SLC4A8: variants seen among roughly 807,000 people sequenced by gnomAD.
SLC4A8 encodes the protein solute carrier family 4 member 8.
Under a neutral mutation model 125.0 loss-of-function variants are expected in SLC4A8, and 40 were observed. The ratio of observed to expected loss-of-function variants is 0.32; its 90% CI spans 0.25 to 0.42. The LOEUF (loss-of-function observed/expected upper bound fraction) is 0.42. SLC4A8 is among the 10% of genes least tolerant of loss of function. The probability of loss-of-function intolerance (pLI) is 1.00; values close to 1 mark genes in which losing one functional copy is unlikely to be tolerated. For synonymous variants in SLC4A8, 456 were observed against 476.0 expected (o/e 0.96, Z 0.55); for missense variants, 863 against 1,355.1 (o/e 0.64, Z 5.70).
chr12:51,514,130 T>C lies in SLC4A8; in HGVS notation c.*6692T>C, dbSNP rs1237929123. On this transcript the variant is annotated 3_prime_UTR_variant, in exon 25 of 25. Coordinates refer to ENST00000453097, the MANE Select transcript of SLC4A8 (RefSeq NM_001039960.3). ...TATTCTCTCTGTTGCTTTATCAGCT[T>C]CTCTAAATTTATTTTGTAAGGAAGT... The C allele has an allele frequency of 6.6e-5, 10 of 152,654 alleles. No homozygotes were observed. Among genetic ancestry groups the C allele is most frequent in the South Asian group, 6.2e-4 (3 of 4,826 alleles). The allele number at this position is 152,654 out of a possible 1,614,324, so 9.5% of individuals were successfully genotyped here.
chr12:51,400,489 A>C (rs966718391), intron 1 of SLC4A8, among the ~76,000 whole-genome samples: 3 of 151,502 alleles, frequency 2.0e-5, no homozygotes, highest in Non-Finnish European at 4.4e-5. Context: ...TTGTTTGGGG[A>C]GGAGTGGTAC....
At chr12:51,428,444 A>G (rs1049724033) in intron 1 of SLC4A8, among the ~76,000 whole-genome samples, 9 of 152,214 alleles carry the variant, frequency 5.9e-5, no homozygotes, top group African/African-American at 9.6e-5. Context: ...AAGGAGCTCA[A>G]GGTCTAGTCA....
At chr12:51,474,512 G>T in intron 15 of SLC4A8, 65 bp downstream of exon 15, 1 of 1,558,612 alleles carries the variant, frequency 6.4e-7, no homozygotes. Flanking sequence ...ACTTCTAAGT[G>T]AAGGGGAGGA....
In SLC4A8 at chr12:51,485,798, G is replaced by T. The variant is rs748733568; in HGVS notation, c.2184G>T (p.Met728Ile). The T allele has an allele frequency of 6.2e-7, 1 of 1,606,904 alleles. No individual in the cohort carries two copies. The highest frequency in any genetic ancestry group is 8.5e-7 in the Non-Finnish European group (1 of 1,173,536). The change falls in exon 17 of 25, where the codon ATG becomes ATT. Residue 728 changes from methionine (M) to isoleucine (I), a missense_variant. Met to Ile is a conservative substitution (Grantham distance 10). Transcript: ENST00000453097. The stretch of plus-strand genomic sequence containing the variant: ...CTTTCTCATGCCAGGTACGCTCCAT[G>T]GTGAGTGACTTTGCTGTTTTCCTCA... The part of the protein sequence containing the change: ...SRYFPTRVRS[M>I]VSDFAVFLTI...
chr12:51,424,048 A>C (rs552043652), upstream of SLC4A8, among the ~76,000 whole-genome samples: 13 of 51,978 alleles, frequency 2.5e-4, 1 homozygote, highest in South Asian at 4.9e-3. Flanking sequence ...AAAAAAAAAA[A>C]AAAAACAAAA....
upstream of SLC4A8, chr12:51,421,953 G>A (rs1387500509): frequency 2.0e-5 from 3 of 152,124 alleles, no homozygotes; most frequent in African/African-American, 7.2e-5. Flanking sequence ...TATAACTAGC[G>A]GTTATCTTGT....
chr12:51,416,396 A>G (rs1351556294), intron 1 of SLC4A8, among the ~76,000 whole-genome samples: 1 of 152,166 alleles, frequency 6.6e-6, no homozygotes, highest in Non-Finnish European at 1.5e-5. Flanking sequence ...TAATCCCAGC[A>G]CTTTGGGAGG....
intron 18 of SLC4A8, 70 bp from the exon 19 acceptor site, chr12:51,489,630 C>T (rs758192912): frequency 9.5e-6 from 15 of 1,584,308 alleles, no homozygotes; most frequent in Admixed American, 1.7e-5. Context: ...GCCTGAGACC[C>T]GTAGCTCACT....
intron 1 of SLC4A8, among the ~76,000 whole-genome samples, chr12:51,397,229 C>G (rs1948282317): frequency 6.6e-6 from 1 of 152,106 alleles, no homozygotes; most frequent in Non-Finnish European, 1.5e-5. Context: ...CGCCCGGTCT[C>G]AGCCTTAGTT....
At position 51,475,114 on chromosome 12, in the gene SLC4A8, G is replaced by T. The variant is rs1950820973; in HGVS notation, c.2080G>T (p.Val694Phe). The T allele has an allele frequency of 6.2e-7, 1 of 1,613,898 alleles. No homozygotes were observed. Among genetic ancestry groups the T allele is most frequent in the Non-Finnish European group, 8.5e-7 (1 of 1,179,862 alleles). The part of the protein sequence containing the change: ...CGHHGPYTPD[V>F]LFWSCILFFT... ...CCATCATGGACCCTACACTCCTGAT[G>T]TCCTCTTTTGGTCCTGTATTCTCTT... The change falls in exon 16 of 25, where the codon GTC becomes TTC. Residue 694 changes from valine (V) to phenylalanine (F), a missense_variant. Physicochemically the swap from Val to Phe is conservative, Grantham distance 50 (BLOSUM62 -1). Transcript: ENST00000453097.
At chr12:51,423,409 G>A (rs1345982074), upstream of SLC4A8, among the ~76,000 whole-genome samples, 2 of 152,168 alleles carry the variant, frequency 1.3e-5, no homozygotes. Context: ...TGGGGATGAG[G>A]GTAGGATGTG....
chr12:51,480,612 G>A (rs570934459), intron 16 of SLC4A8: 1 of 985,430 alleles, frequency 1.0e-6, no homozygotes, highest in Admixed American at 6.1e-5. Flanking sequence ...AAAACATAAT[G>A]TGTCAAAATT....
chr12:51,482,243 A>G (rs572553492), intron 16 of SLC4A8, among the ~76,000 whole-genome samples: 15 of 152,308 alleles, frequency 9.8e-5, no homozygotes, highest in African/African-American at 3.4e-4. Flanking sequence ...AATATTTTAT[A>G]TTGATTACAT....
Position 51,440,800 on chromosome 12 carries a change from C to T in SLC4A8, c.130+11C>T. The T allele has an allele frequency of 6.3e-7, 1 of 1,599,854 alleles. No individual in the cohort carries two copies. Among genetic ancestry groups the T allele is most frequent in the Admixed American group, 1.8e-5 (1 of 56,592 alleles). ...AAGAAGAGCTGGAAGGTAAGAACTG[C>T]CATGCTGTGTGATCAGGGAAATTGG... On this transcript the variant is annotated intron_variant, in intron 2 of 24. Coordinates refer to ENST00000453097, the MANE Select transcript of SLC4A8 (RefSeq NM_001039960.3).
intron 14 of SLC4A8, 107 bp downstream of exon 14, chr12:51,471,639 T>C: frequency 7.8e-7 from 1 of 1,290,042 alleles, no homozygotes; most frequent in South Asian, 1.4e-5. Context: ...AGAAGTGTCT[T>C]GCCCTTTAGG....
At chr12:51,463,764 TGCA>T (rs1213568667) in intron 11 of SLC4A8, 50 bp downstream of exon 11, 1 of 1,247,120 alleles carries the variant, frequency 8.0e-7, no homozygotes, top group Non-Finnish European at 1.2e-6. Flanking sequence ...GTAGAAGTTA[TGCA>T]AAGGAATGAG....
chr12:51,466,506 T>A (rs1371660058), intron 11 of SLC4A8: 1 of 150,098 alleles, frequency 6.7e-6, no homozygotes, highest in Non-Finnish European at 1.5e-5. Context: ...AGTGACCCTC[T>A]ACGCGGGTAA....
At position 51,456,435 on chromosome 12, in the gene SLC4A8, G is replaced by T. The variant is rs576938950; in HGVS notation, c.575-916G>T. 8.5e-5 allele frequency among the ~76,000 whole-genome samples: 13 copies of T among 152,240 alleles called. No individual in the cohort carries two copies. The South Asian group carries it at 2.7e-3, about 32-fold the overall frequency. Reference sequence around the variant, plus strand: ...ATTTTTGGGAGGCTTTTGAAGAAGTGCATAGGACTGAAGTAAAAGTGCTAT... The same window carrying T: ...ATTTTTGGGAGGCTTTTGAAGAAGTTCATAGGACTGAAGTAAAAGTGCTAT... On this transcript the variant is annotated intron_variant, in intron 5 of 24. Transcript: ENST00000453097.
intron 2 of SLC4A8, among the ~76,000 whole-genome samples, chr12:51,449,612 C>T (rs911911282): frequency 3.9e-5 from 6 of 151,972 alleles, no homozygotes; most frequent in African/African-American, 1.5e-4. Context: ...TGGGAGAAGA[C>T]CAAGGCATGG....
Sources: allele counts gnomAD v4.1 joint callset (sites outside exome capture counted in the v4.1 genomes callset), GRCh38; gene constraint gnomAD v4.1.1; transcripts MANE v1.5; gene names NCBI Gene and HGNC (gene_info 2026-07-23, HGNC 2026-07-21).